Variants in TOP1 observed in about 807,000 individuals in gnomAD.
TOP1 encodes the protein DNA topoisomerase I.
A neutral mutation model predicts 111.1 loss-of-function variants in TOP1; 10 were observed. The ratio of observed to expected loss-of-function variants is 0.09; its 90% CI spans 0.06 to 0.15. TOP1 has a LOEUF of 0.15. Among genes scored for constraint, TOP1 ranks in the 10% least tolerant of loss-of-function variants. The pLI is 1.00. For missense variants in TOP1, 474 were observed against 926.7 expected (o/e 0.51, Z 6.34); for synonymous variants, 271 against 302.9 (o/e 0.89, Z 1.10).
chr20:41,105,641 G>A (rs900700610), intron 13 of TOP1, among the ~76,000 whole-genome samples: 1 of 152,180 alleles, frequency 6.6e-6, no homozygotes, highest in African/African-American at 2.4e-5. Flanking sequence ...GGGATTATAG[G>A]CGTGTGCCAC....
chr20:41,063,290 A>ATAG (rs1208220777), intron 3 of TOP1, among the ~76,000 whole-genome samples: 2 of 152,196 alleles, frequency 1.3e-5, no homozygotes, highest in African/African-American at 4.8e-5. Context: ...TTATGACCGT[A>ATAG]TAGTATTCCG....
chr20:41,084,190 TAAA>T (rs879617493), intron 7 of TOP1, among the ~76,000 whole-genome samples: 1 of 145,890 alleles, frequency 6.9e-6, no homozygotes, highest in Non-Finnish European at 1.5e-5. Context: ...CCTTTGAGGT[TAAA>T]AAAAAAAAAG....
Position 41,116,404 on chromosome 20 carries a change from TTGGCCAGA to T in TOP1, c.1822+14_1822+21del, listed in dbSNP as rs1319865922. On this transcript the variant is annotated intron_variant, in intron 17 of 20. Coordinates refer to ENST00000361337, the MANE Select transcript of TOP1 (RefSeq NM_003286.4). This position sits in a 1 kb window ranked among gnomAD's most constrained non-coding sequence, Gnocchi z 5.6. ...AGAACTGACAGCCCGTAAGTATTGCTTGGCCAGATAGGGCCCACACCCCTACTAATGGT... is the reference window on the plus strand; with the variant it reads ...AGAACTGACAGCCCGTAAGTATTGCTTAGGGCCCACACCCCTACTAATGGT... 1.2e-6 allele frequency: 2 copies of T among 1,608,652 alleles called. No homozygotes were observed. The highest frequency in any genetic ancestry group is 2.2e-5 in the South Asian group (2 of 90,976).
intron 13 of TOP1, among the ~76,000 whole-genome samples, chr20:41,107,679 C>T (rs1381042044): frequency 6.6e-6 from 1 of 152,154 alleles, no homozygotes; most frequent in Non-Finnish European, 1.5e-5. Flanking sequence ...AAAATGTTAC[C>T]TGAAGTGAAT....
Position 41,118,448 on chromosome 20 carries a change from A to C in TOP1, c.1950+152A>C. ...AACAAATGGAAATATGATAGTAGTT[A>C]ATCTCTGATCAAGATACTGAATATC... On this transcript the variant is annotated intron_variant, in intron 18 of 20. Coordinates refer to ENST00000361337, the MANE Select transcript of TOP1 (RefSeq NM_003286.4). This position sits in a 1 kb window ranked among gnomAD's most constrained non-coding sequence, Gnocchi z 4.6. 1.1e-6 allele frequency: 1 copy of C among 889,700 alleles called. No individual in the cohort carries two copies. Among genetic ancestry groups the C allele is most frequent in the Admixed American group, 2.5e-5 (1 of 39,498 alleles). 55.1% of individuals were successfully genotyped at this position (889,700 alleles called of 1,614,324 possible). A position where few individuals can be genotyped will look rare whatever the true frequency, so the allele number is the denominator to read the frequency against.
rs1047227328 is a variant in TOP1, at chr20:41,029,980, G to C, written c.58+525G>C. ...GTTATTCCCTTTATGCTTCATGTTT[G>C]TTTCCTTTTCTGCTTCCAGAATGAA... On this transcript the variant is annotated intron_variant, in intron 2 of 20. Transcript: ENST00000361337. This position sits in a 1 kb window ranked among gnomAD's most constrained non-coding sequence, Gnocchi z 6.1. Among the ~76,000 whole-genome samples the C allele has an allele frequency of 6.6e-6, 1 of 151,972 alleles. No homozygotes were observed. Among genetic ancestry groups the C allele is most frequent in the Non-Finnish European group, 1.5e-5 (1 of 67,968 alleles).
intron 13 of TOP1, among the ~76,000 whole-genome samples, chr20:41,108,470 G>C (rs569884632): frequency 5.8e-4 from 88 of 152,246 alleles, no homozygotes; most frequent in Non-Finnish European, 9.6e-4. Context: ...TGGCCTACTT[G>C]CAGTCACTGT....
intron 3 of TOP1, among the ~76,000 whole-genome samples, chr20:41,075,299 G>C (rs2033713603): frequency 6.6e-6 from 1 of 152,164 alleles, no homozygotes; most frequent in Non-Finnish European, 1.5e-5. Flanking sequence ...AGCCTCCCGA[G>C]TAGCTGGGAC....
chr20:41,087,986 A>T (rs778932935), intron 8 of TOP1, among the ~76,000 whole-genome samples: 5 of 152,208 alleles, frequency 3.3e-5, no homozygotes, highest in African/African-American at 7.2e-5. Context: ...GGGAGGCTAA[A>T]AGGACAGAAC....
chr20:41,060,994 C>T (rs1159687985), intron 2 of TOP1, among the ~76,000 whole-genome samples: 4 of 152,216 alleles, frequency 2.6e-5, no homozygotes, highest in Admixed American at 1.3e-4. Flanking sequence ...TATTAACATT[C>T]ATTTAAAAAC....
rs751566633 is a variant in TOP1, at chr20:41,076,221, A to C, written c.206A>C (p.His69Pro). ...KKHKEKEKTK[H>P]KDGSSEKHKD... ...CACAAAGAGAAGGAGAAGACCAAACACAAAGATGGAAGCTCAGAAAAGCAT... is the reference window on the plus strand; with the variant it reads ...CACAAAGAGAAGGAGAAGACCAAACCCAAAGATGGAAGCTCAGAAAAGCAT... Residue 69 changes from histidine (H) to proline (P), a missense_variant, in exon 4 of 21, where the codon CAC (histidine) becomes CCC (proline). By Grantham distance (77) the His-to-Pro change is moderately conservative. Transcript: ENST00000361337. 1 of 1,601,656 alleles carries C rather than the reference A, an allele frequency of 6.2e-7. No individual in the cohort carries two copies. The highest frequency in any genetic ancestry group is 8.6e-7 in the Non-Finnish European group (1 of 1,168,904).
Position 41,067,272 on chromosome 20 carries a change from C to T in TOP1, c.155+5782C>T, listed in dbSNP as rs2033619988. Among the ~76,000 whole-genome samples the T allele has an allele frequency of 1.3e-5, 2 of 151,912 alleles. No individual in the cohort carries two copies. The highest frequency in any genetic ancestry group is 2.4e-5 in the African/African-American group (1 of 41,332). On this transcript the variant is annotated intron_variant, in intron 3 of 20. Coordinates refer to ENST00000361337, the MANE Select transcript of TOP1 (RefSeq NM_003286.4). The surrounding 1 kb of genome is among the most constrained non-coding windows in gnomAD (Gnocchi z 4.0). ...GTAGCTGGGACTTACAGGCGCCTGC[C>T]ACCACGCCGAGCTAATTTTTGTATT...
chr20:41,050,815 A>G (rs747524839), intron 2 of TOP1, among the ~76,000 whole-genome samples: 1 of 152,198 alleles, frequency 6.6e-6, no homozygotes, highest in Admixed American at 6.5e-5. Context: ...ACTCAAGACC[A>G]GCTTGTTATC....
At chr20:41,073,082 A>G (rs558295050) in intron 3 of TOP1, 54 of 985,388 alleles carry the variant, frequency 5.5e-5, no homozygotes, top group Admixed American at 6.1e-5. Context: ...CTTCCTGGCA[A>G]ATGTCTCATT....
intron 8 of TOP1, among the ~76,000 whole-genome samples, chr20:41,089,371 T>A (rs1319914082): frequency 6.6e-6 from 1 of 152,198 alleles, no homozygotes; most frequent in East Asian, 1.9e-4. Flanking sequence ...TCTGTCTCTA[T>A]GAATTTGACT....
rs534106131 is a variant in TOP1 at position 41,096,462 on chromosome 20, C to A, written c.731-758C>A. 2.6e-5 allele frequency among the ~76,000 whole-genome samples: 4 copies of A among 152,356 alleles called. No homozygotes were observed. In the South Asian group the frequency reaches 8.3e-4, roughly 32 times the overall value. Reference sequence around the variant, plus strand: ...CATCCTGGTTCCCTGAAAGAGGCAGCATCATGGTACCCATGTTCCAGAGCA... The same window carrying A: ...CATCCTGGTTCCCTGAAAGAGGCAGAATCATGGTACCCATGTTCCAGAGCA... On this transcript the variant is annotated intron_variant, in intron 9 of 20. Coordinates refer to ENST00000361337, the MANE Select transcript of TOP1 (RefSeq NM_003286.4).
rs564930865 is a variant in TOP1 at position 41,078,564 on chromosome 20, A to T, written c.335+927A>T. Among the ~76,000 whole-genome samples the T allele has an allele frequency of 1.3e-5, 2 of 152,236 alleles. No homozygotes were observed. Among genetic ancestry groups the T allele is most frequent in the African/African-American group, 4.8e-5 (2 of 41,464 alleles). On this transcript the variant is annotated intron_variant, in intron 5 of 20. Coordinates refer to ENST00000361337, the MANE Select transcript of TOP1 (RefSeq NM_003286.4). This position sits in a 1 kb window ranked among gnomAD's most constrained non-coding sequence, Gnocchi z 5.3. ...TGTTTCATAATTGTTCTAGGAATGC[A>T]GAATAATACAATTCAGGAAGCATTA...
chr20:41,104,287 T>C (rs751747013), intron 13 of TOP1, among the ~76,000 whole-genome samples: 2 of 152,224 alleles, frequency 1.3e-5, no homozygotes, highest in Admixed American at 6.5e-5. Flanking sequence ...TTGATCATTC[T>C]GACTGCTGCT....
intron 7 of TOP1, 91 bp downstream of exon 7, chr20:41,081,331 A>G (rs2033786196): frequency 7.0e-7 from 1 of 1,431,584 alleles, no homozygotes; most frequent in African/African-American, 1.4e-5. Context: ...AGTTTTAGAT[A>G]TTTATTGGCT....
Sources: gnomAD v4.1 joint callset for allele counts (sites outside exome capture counted in the v4.1 genomes callset) on GRCh38, gnomAD v4.1.1 for gene constraint, Gnocchi (gnomAD v3.1) non-coding constraint, MANE v1.5 for transcripts, NCBI Gene and HGNC (gene_info 2026-07-23, HGNC 2026-07-21) for gene names.